The following SLC41A3 variants were observed in gnomAD, a reference collection of about 807,000 sequenced individuals.
The protein encoded by SLC41A3 is solute carrier family 41 member 3.
Under a neutral mutation model 45.4 loss-of-function variants are expected in SLC41A3, and 44 were observed. The ratio of observed to expected loss-of-function variants is 0.97; its 90% CI spans 0.76 to 1.25. SLC41A3 has a LOEUF of 1.25. Ranked by LOEUF, SLC41A3 falls within the 50% of genes most tolerant of loss-of-function variation. The probability of loss-of-function intolerance (pLI) is 0.00; values close to 1 mark genes in which losing one functional copy is unlikely to be tolerated. For missense variants in SLC41A3, 550 were observed against 600.6 expected (o/e 0.92, Z 0.88); for synonymous variants, 256 against 252.4 (o/e 1.01, Z -0.13).
intron 2 of SLC41A3, among the ~76,000 whole-genome samples, chr3:126,058,851 C>T (rs1010269211): frequency 1.3e-5 from 2 of 152,144 alleles, no homozygotes; most frequent in Non-Finnish European, 2.9e-5. Flanking sequence ...GGGCCATGCC[C>T]GTGCTCCTCC....
chr3:126,013,746 T>C (rs1416965031), intron 8 of SLC41A3, among the ~76,000 whole-genome samples: 1 of 152,100 alleles, frequency 6.6e-6, no homozygotes, highest in Admixed American at 6.5e-5. Flanking sequence ...GGTGAGCCCC[T>C]CTCTCGGAGC....
intron 1 of SLC41A3, among the ~76,000 whole-genome samples, chr3:126,081,197 TG>T (rs1945132287): frequency 6.6e-6 from 1 of 152,212 alleles, no homozygotes; most frequent in South Asian, 2.1e-4. Context: ...AATGAGATCC[TG>T]TCATCTGCAA....
At chr3:126,100,721 C>T (rs1326745773) in intron 1 of SLC41A3, among the ~76,000 whole-genome samples, 1 of 152,112 alleles carries the variant, frequency 6.6e-6, no homozygotes, top group African/African-American at 2.4e-5. Context: ...ATCTGGACAC[C>T]GTGAATGAGG....
Position 126,008,835 on chromosome 3 carries a change from G to A in SLC41A3, c.1151C>T (p.Pro384Leu). The change falls in exon 10 of 11, where the codon CCA becomes CTA. Residue 384 changes from proline to leucine, a missense_variant. By Grantham distance (98) the Pro-to-Leu change is moderately conservative. Coordinates refer to ENST00000360370, the MANE Select transcript of SLC41A3 (RefSeq NM_017836.4). ...SARVLLLLVVPGHLIFFYIIY... is the reference protein window; with the variant it reads ...SARVLLLLVVLGHLIFFYIIY... ...GATGTAGAAGAAAATCAGATGGCCT[G>A]GGACCACCAGCAAGAGCAGGACTCG... The A allele has an allele frequency of 6.2e-7, 1 of 1,614,170 alleles. No individual in the cohort carries two copies. Among genetic ancestry groups the A allele is most frequent in the Non-Finnish European group, 8.5e-7 (1 of 1,180,032 alleles).
At chr3:126,035,026 T>A (rs10428194) in intron 3 of SLC41A3, among the ~76,000 whole-genome samples, 8,293 of 152,118 alleles carry the variant, frequency 0.055, 712 homozygotes, top group African/African-American at 0.18. Flanking sequence ...AAGCAGGAAG[T>A]GAGACCAAGA....
intron 5 of SLC41A3, chr3:126,025,230 T>C (rs879385): frequency 0.34 from 51,766 of 152,012 alleles, 9,746 homozygotes; most frequent in African/African-American, 0.51. Flanking sequence ...GGCCAACGTG[T>C]GGCAACTGCT....
chr3:126,030,132 T>C (rs1156325723), intron 4 of SLC41A3, among the ~76,000 whole-genome samples: 3 of 132,668 alleles, frequency 2.3e-5, no homozygotes, highest in Admixed American at 8.0e-5. Context: ...AATTATAATA[T>C]GTATAATATA....
intron 3 of SLC41A3, among the ~76,000 whole-genome samples, chr3:126,045,356 C>A (rs1166817496): frequency 9.6e-5 from 14 of 145,514 alleles, no homozygotes; most frequent in African/African-American, 1.3e-4. Context: ...ATTGGTTCCT[C>A]AAAAAAAAAA....
chr3:126,036,715 C>T (rs77149095), intron 3 of SLC41A3, among the ~76,000 whole-genome samples: 5,118 of 152,266 alleles, frequency 0.034, 118 homozygotes, highest in Non-Finnish European at 0.052. Context: ...AATGACTCAT[C>T]CCTTCAGAAG....
At chr3:126,091,642 G>C (rs1426081128) in intron 1 of SLC41A3, among the ~76,000 whole-genome samples, 1 of 152,094 alleles carries the variant, frequency 6.6e-6, no homozygotes, top group African/African-American at 2.4e-5. Flanking sequence ...TTTCTTATCA[G>C]ACTTAAAAAG....
Position 126,008,734 on chromosome 3 carries a change from G to C in SLC41A3, c.1252C>G (p.Gln418Glu), listed in dbSNP as rs1236130249. ...CTAATTGCTGCAGCCAGGCTTACCT[G>C]GATCAGGCCTGCCAGCAGGTAGAGC... Reference protein sequence around the residue: ...VVLYLLAGLIQVTILLYLAEV... With the variant: ...VVLYLLAGLIEVTILLYLAEV... Residue 418 changes from glutamine to glutamate, a missense_variant and splice_region_variant, in exon 10 of 11, where the codon CAG becomes GAG. Coordinates refer to ENST00000360370, the MANE Select transcript of SLC41A3 (RefSeq NM_017836.4). The C allele has an allele frequency of 6.2e-7, 1 of 1,613,808 alleles. No individual in the cohort carries two copies. Among genetic ancestry groups the C allele is most frequent in the Non-Finnish European group, 8.5e-7 (1 of 1,179,758 alleles).
intron 1 of SLC41A3, among the ~76,000 whole-genome samples, chr3:126,079,530 G>T (rs144639339): frequency 6.6e-6 from 1 of 152,178 alleles, no homozygotes. Context: ...CAAGAGCTCA[G>T]CTGGAGAAAC....
chr3:126,031,894 C>T (rs557248692), intron 4 of SLC41A3, among the ~76,000 whole-genome samples: 1 of 152,334 alleles, frequency 6.6e-6, no homozygotes, highest in South Asian at 2.1e-4. Context: ...GGACATGGTG[C>T]TAGCCCGTAA....
chr3:126,007,292 T>C, intron 10 of SLC41A3, 67 bp from the exon 11 acceptor site: 1 of 1,528,576 alleles, frequency 6.5e-7, no homozygotes, highest in Non-Finnish European at 8.9e-7. Context: ...CAGGAAGCAC[T>C]AGCTGAGGCT....
rs185786405 is a variant in SLC41A3, at chr3:126,072,219, A to G, written c.-27-3973T>C. Among the ~76,000 whole-genome samples the G allele has an allele frequency of 4.4e-3, 671 of 152,348 alleles. 4 individuals carry two copies. The highest frequency in any genetic ancestry group is 7.4e-3 in the Non-Finnish European group (501 of 68,032). On this transcript the variant is annotated intron_variant, in intron 1 of 10. Coordinates refer to ENST00000360370, the MANE Select transcript of SLC41A3 (RefSeq NM_017836.4). ...AGTGCTTAGAGGGAAGTTTATAGCT[A>G]TAACTATCAATTTCTTTAAAAAGAA... is the stretch of plus-strand genomic sequence containing the variant.
At chr3:126,074,988 T>G (rs908077412) in intron 1 of SLC41A3, among the ~76,000 whole-genome samples, 1 of 151,574 alleles carries the variant, frequency 6.6e-6, no homozygotes, top group Admixed American at 6.6e-5. Context: ...AGTATTTTAT[T>G]TTTTGTAGAC....
At chr3:126,059,299 AAAGAAAGAAAGGAAG>A (rs1559870026) in intron 2 of SLC41A3, among the ~76,000 whole-genome samples, 106 of 124,100 alleles carry the variant, frequency 8.5e-4, no homozygotes, top group Middle Eastern at 4.1e-3. Flanking sequence ...AGAAAGAAAG[AAAGAAAGAAAGGAAG>A]GATGATCTGT....
At position 126,068,027 on chromosome 3, in the gene SLC41A3, T is replaced by C. The variant is rs769458568; in HGVS notation, c.193A>G (p.Ile65Val). ...AAGGGCACGGTCACCTGAAGGCCTA[T>C]GGACCAGGTGGTCTCCCTGCTAGGC... The part of the protein sequence containing the change: ...TEPSRETTWS[I>V]GLQVTVPFMF... The change falls in exon 2 of 11, where the codon ATA becomes GTA. Residue 65 changes from isoleucine to valine, a missense_variant. By Grantham distance (29) the Ile-to-Val change is conservative. Coordinates refer to ENST00000360370, the MANE Select transcript of SLC41A3 (RefSeq NM_017836.4). 8.1e-6 allele frequency: 13 copies of C among 1,613,946 alleles called. No individual in the cohort carries two copies. The highest frequency in any genetic ancestry group is 7.7e-5 in the South Asian group (7 of 91,066).
intron 1 of SLC41A3, among the ~76,000 whole-genome samples, chr3:126,078,187 C>T (rs1296064913): frequency 6.6e-6 from 1 of 152,224 alleles, no homozygotes; most frequent in Admixed American, 6.5e-5. Flanking sequence ...GCCACTGCTG[C>T]ATCCCTTAGG....
Sources: allele counts gnomAD v4.1 joint callset (sites outside exome capture counted in the v4.1 genomes callset), GRCh38; gene constraint gnomAD v4.1.1; transcripts MANE v1.5; gene names NCBI Gene and HGNC (gene_info 2026-07-23, HGNC 2026-07-21).